SMAP1: variants seen among roughly 807,000 people sequenced by gnomAD.
The protein encoded by SMAP1 is small ArfGAP 1, also known as stromal membrane-associated protein 1.
SMAP1 carries 24 observed loss-of-function variants against 58.5 expected under a neutral mutation model. The observed-to-expected ratio is 0.41, with a 90% CI of 0.30 to 0.58. The LOEUF (loss-of-function observed/expected upper bound fraction) is 0.58. Ranked by LOEUF, SMAP1 falls within the 20% of genes least tolerant of loss-of-function variation. The probability of loss-of-function intolerance (pLI) is 0.29; values close to 1 mark genes in which losing one functional copy is unlikely to be tolerated. For missense variants in SMAP1, 563 were observed against 566.3 expected (o/e 0.99, Z 0.06); for synonymous variants, 216 against 196.6 (o/e 1.10, Z -0.82).
intron 4 of SMAP1, among the ~76,000 whole-genome samples, chr6:70,787,327 A>G (rs1768094206): frequency 6.6e-6 from 1 of 152,208 alleles, no homozygotes; most frequent in Non-Finnish European, 1.5e-5. Context: ...TACATGTTAG[A>G]CCTAAAACCA....
chr6:70,834,118 T>G (rs1307187940), intron 6 of SMAP1, among the ~76,000 whole-genome samples: 1 of 152,206 alleles, frequency 6.6e-6, no homozygotes, highest in Non-Finnish European at 1.5e-5. Flanking sequence ...TCTGCATTGC[T>G]CAATTTAGCT....
chr6:70,774,554 C>T (rs1449173548), intron 4 of SMAP1, among the ~76,000 whole-genome samples: 1 of 151,984 alleles, frequency 6.6e-6, no homozygotes, highest in Non-Finnish European at 1.5e-5. Context: ...AATATGCTAT[C>T]TTTGGCCATA....
At chr6:70,729,431 T>C (rs1765326016) in intron 1 of SMAP1, among the ~76,000 whole-genome samples, 1 of 119,178 alleles carries the variant, frequency 8.4e-6, no homozygotes, top group African/African-American at 3.1e-5. Context: ...AGAGCGAGAC[T>C]CCGTCTCAAA....
At chr6:70,817,773 C>T (rs1204638330) in intron 6 of SMAP1, among the ~76,000 whole-genome samples, 1 of 152,020 alleles carries the variant, frequency 6.6e-6, no homozygotes, top group East Asian at 1.9e-4. Flanking sequence ...CCCTGAAAAC[C>T]AGGTAGAAGC....
At chr6:70,776,430 C>T (rs1369434982) in intron 4 of SMAP1, among the ~76,000 whole-genome samples, 1 of 152,180 alleles carries the variant, frequency 6.6e-6, no homozygotes, top group African/African-American at 2.4e-5. Context: ...CTGCCCACCT[C>T]GACCTCTCAA....
intron 6 of SMAP1, among the ~76,000 whole-genome samples, chr6:70,801,067 G>T (rs1245371078): frequency 6.6e-6 from 1 of 152,296 alleles, no homozygotes; most frequent in South Asian, 2.1e-4. Flanking sequence ...GGTATTTCTA[G>T]TTCTAGATCC....
At chr6:70,783,593 A>G (rs1385647905) in intron 4 of SMAP1, among the ~76,000 whole-genome samples, 1 of 152,244 alleles carries the variant, frequency 6.6e-6, no homozygotes, top group Non-Finnish European at 1.5e-5. Context: ...TAACCAATGC[A>G]GAGAAGTGCT....
intron 7 of SMAP1, among the ~76,000 whole-genome samples, chr6:70,850,566 T>C (rs1017086151): frequency 6.6e-6 from 1 of 151,300 alleles, no homozygotes; most frequent in Non-Finnish European, 1.5e-5. Context: ...ACATTTTATA[T>C]ATATAATTAT....
At chr6:70,697,870 G>T (rs995723711) in intron 1 of SMAP1, among the ~76,000 whole-genome samples, 1 of 152,164 alleles carries the variant, frequency 6.6e-6, no homozygotes, top group African/African-American at 2.4e-5. Context: ...ATTGTGTCTT[G>T]AAAAGATGTA....
intron 6 of SMAP1, among the ~76,000 whole-genome samples, chr6:70,815,886 T>C (rs909525501): frequency 6.6e-6 from 1 of 152,118 alleles, no homozygotes; most frequent in Non-Finnish European, 1.5e-5. Flanking sequence ...GTAGCAACTC[T>C]TAGGATGCCT....
intron 9 of SMAP1, 83 bp downstream of exon 9, chr6:70,857,113 T>A: frequency 7.4e-7 from 1 of 1,353,170 alleles, no homozygotes; most frequent in Non-Finnish European, 9.9e-7. Context: ...ATTATATATC[T>A]TTTATTGTTC....
At position 70,856,813 on chromosome 6, in the gene SMAP1, G is replaced by T; in HGVS notation, c.790-46G>T. The T allele has an allele frequency of 1.3e-6, 2 of 1,523,798 alleles. No individual in the cohort carries two copies. Among genetic ancestry groups the T allele is most frequent in the Non-Finnish European group, 1.8e-6 (2 of 1,131,520 alleles). 94.4% of individuals were successfully genotyped at this position (1,523,798 alleles called of 1,614,324 possible). ...GGATTTTAAGTAATGGATAAGCTGCGCTTTACTATGCAGAATTTGATAGCT... is the reference window on the plus strand; with the variant it reads ...GGATTTTAAGTAATGGATAAGCTGCTCTTTACTATGCAGAATTTGATAGCT... On this transcript the variant is annotated intron_variant, in intron 8 of 10. Coordinates refer to ENST00000370455, the MANE Select transcript of SMAP1 (RefSeq NM_001044305.3).
chr6:70,831,515 A>C (rs1202075039), intron 6 of SMAP1, among the ~76,000 whole-genome samples: 1 of 152,144 alleles, frequency 6.6e-6, no homozygotes, highest in Non-Finnish European at 1.5e-5. Context: ...GAGAGCGTGC[A>C]GTATTTAATT....
rs571707572 is a variant in SMAP1 at position 70,710,430 on chromosome 6, T to C, written c.119-21948T>C. On this transcript the variant is annotated intron_variant, in intron 1 of 10. Coordinates refer to ENST00000370455, the MANE Select transcript of SMAP1 (RefSeq NM_001044305.3). ...CGCTTGAACCCGAGATTGCGTAGGT[T>C]GCAGTGAGCCGAGATTGCGTCACTG... 3.3e-4 allele frequency among the ~76,000 whole-genome samples: 47 copies of C among 142,914 alleles called. No individual in the cohort carries two copies. In the East Asian group the frequency reaches 6.5e-3, roughly 20 times the overall value. 93.8% of individuals were successfully genotyped at this position (142,914 alleles called of 152,430 possible). A position where few individuals can be genotyped will look rare whatever the true frequency, so the allele number is the denominator to read the frequency against.
chr6:70,861,347 T>G lies in SMAP1; in HGVS notation c.*1013T>G. On this transcript the variant is annotated 3_prime_UTR_variant, in exon 11 of 11. Coordinates refer to ENST00000370455, the MANE Select transcript of SMAP1 (RefSeq NM_001044305.3). ...AAGTCTACCAATTATAAGGGCAAAT[T>G]GGAGAAAAAGAAAAAATATATACTC... 4.2e-6 allele frequency: 1 copy of G among 239,954 alleles called. No individual in the cohort carries two copies. The highest frequency in any genetic ancestry group is 8.2e-6 in the Non-Finnish European group (1 of 122,270). The allele number at this position is 239,954 out of a possible 1,614,324, so 14.9% of individuals were successfully genotyped here.
intron 10 of SMAP1, chr6:70,859,965 A>AT (rs759772512): frequency 1.1e-3 from 419 of 379,358 alleles, no homozygotes; most frequent in East Asian, 1.8e-3. Flanking sequence ...TTGCTTTGGT[A>AT]TTTTTTTTTA....
intron 2 of SMAP1, among the ~76,000 whole-genome samples, chr6:70,753,816 C>T (rs1296494843): frequency 2.6e-5 from 4 of 152,038 alleles, no homozygotes; most frequent in Non-Finnish European, 5.9e-5. Context: ...GCCCCCCGCC[C>T]ATTACTTCAC....
At chr6:70,699,726 C>T (rs1767549494) in intron 1 of SMAP1, among the ~76,000 whole-genome samples, 1 of 151,844 alleles carries the variant, frequency 6.6e-6, no homozygotes, top group African/African-American at 2.4e-5. Context: ...CTGATGTTAA[C>T]GTAAGGTCCG....
intron 6 of SMAP1, among the ~76,000 whole-genome samples, chr6:70,814,193 A>C (rs773658326): frequency 6.6e-6 from 1 of 152,064 alleles, no homozygotes; most frequent in Non-Finnish European, 1.5e-5. Flanking sequence ...ATGGCCTCCT[A>C]CTATCAGCCT....
Sources: allele counts gnomAD v4.1 joint callset (sites outside exome capture counted in the v4.1 genomes callset), GRCh38; gene constraint gnomAD v4.1.1; transcripts MANE v1.5; gene names NCBI Gene and HGNC (gene_info 2026-07-23, HGNC 2026-07-21).